MTERF4: variants seen among roughly 807,000 people sequenced by gnomAD.
The protein encoded by MTERF4 is mitochondrial transcription termination factor 4.
Under a neutral mutation model 22.5 loss-of-function variants are expected in MTERF4, and 17 were observed. The observed-to-expected ratio is 0.75, with a 90% CI of 0.52 to 1.13. MTERF4 has a LOEUF of 1.13. MTERF4 is among the 50% of genes most tolerant of loss of function. MTERF4 has a pLI of 0.00. For missense variants in MTERF4, 420 were observed against 466.8 expected, an observed-to-expected ratio of 0.90 and a Z score of 0.92; for synonymous variants, 165 against 175.3, an observed-to-expected ratio of 0.94 and a Z score of 0.47.
At chr2:241,048,562 A>G in the MTERF4 span, 31 of 1,496,654 alleles carry the variant, frequency 2.1e-5, 1 homozygote, top group South Asian at 2.5e-5. Context: ...GTCCACTGCA[A>G]TTTGTATGGG....
chr2:241,049,720 T>C, the MTERF4 span: 1 of 850,542 alleles, frequency 1.2e-6, no homozygotes, highest in Non-Finnish European at 1.9e-6. Context: ...AGACAGGATG[T>C]CAGGGTAACC....
exon 5 of MTERF4, chr2:241,072,362 G>A (rs1575065871): frequency 2.7e-6 from 1 of 374,908 alleles, no homozygotes; most frequent in East Asian, 7.2e-5. Flanking sequence ...TTCCCACCGG[G>A]TTTACTGGGT....
At chr2:241,070,669 C>T (rs191210045), downstream of MTERF4, among the ~76,000 whole-genome samples, 3 of 152,316 alleles carry the variant, frequency 2.0e-5, no homozygotes, top group East Asian at 3.9e-4. Flanking sequence ...AGAAGCCGCT[C>T]GGAGTGGGGA....
chr2:241,099,229 C>T, intron 2 of MTERF4, 167 bp downstream of exon 2: 1 of 725,820 alleles, frequency 1.4e-6, no homozygotes, highest in Non-Finnish European at 2.2e-6. Flanking sequence ...TGCGTGCCAC[C>T]AAGCCCAGCT....
chr2:241,085,860 C>CTTTTTT (rs772995766), downstream of MTERF4, among the ~76,000 whole-genome samples: 32 of 79,150 alleles, frequency 4.0e-4, no homozygotes, highest in Non-Finnish European at 5.0e-4. Flanking sequence ...TCTGCGGTTT[C>CTTTTTT]TTTTTTTTTT....
At chr2:241,050,234 T>C in the MTERF4 span, among the ~76,000 whole-genome samples, 10 of 152,378 alleles carry the variant, frequency 6.6e-5, no homozygotes, top group African/African-American at 2.4e-4. Context: ...AATTTTATTT[T>C]TAAAATTTCC....
At chr2:241,062,812 A>G in the MTERF4 span, 1 of 1,611,068 alleles carries the variant, frequency 6.2e-7, no homozygotes, top group South Asian at 1.1e-5. Flanking sequence ...TGCCGGTCTC[A>G]GCCGTGCCTG....
Position 241,078,263 on chromosome 2 carries a change from G to A in MTERF4, n.480-2581C>T, listed in dbSNP as rs185596766. 4.8e-3 allele frequency among the ~76,000 whole-genome samples: 724 copies of A among 151,476 alleles called. 11 individuals carry two copies. The highest frequency in any genetic ancestry group is 0.039 in the East Asian group (202 of 5,162). On this transcript the variant is annotated intron_variant and non_coding_transcript_variant, in intron 4 of 4. Coordinates refer to the MTERF4 transcript ENST00000464344. ...CTGGGCGTGGTGGCGGGCGCCTGTA[G>A]TCCCAGCTCCTCAGGAGGCTGAGGC...
At chr2:241,058,717 G>C in the MTERF4 span, among the ~76,000 whole-genome samples, 10 of 152,162 alleles carry the variant, frequency 6.6e-5, no homozygotes, top group Admixed American at 2.6e-4. Flanking sequence ...TTAGGAGGCC[G>C]AGGCAGGCAC....
chr2:241,076,162 C>T (rs1470018542), intron 4 of MTERF4, among the ~76,000 whole-genome samples: 2 of 152,180 alleles, frequency 1.3e-5, no homozygotes, highest in African/African-American at 2.4e-5. Flanking sequence ...AATCTAGTCA[C>T]ACTCTATGGA....
At chr2:241,081,607 A>G in intron 4 of MTERF4, 4 of 1,154,850 alleles carry the variant, frequency 3.5e-6, no homozygotes, top group Non-Finnish European at 1.3e-6. Context: ...AGGAAGGGAC[A>G]GCAACATGTC....
chr2:241,078,806 T>C (rs1363262473), intron 4 of MTERF4, among the ~76,000 whole-genome samples: 3 of 150,996 alleles, frequency 2.0e-5, no homozygotes, highest in Admixed American at 1.3e-4. Context: ...ATCTCAATAA[T>C]GCCTGCTTTA....
chr2:241,045,792 GA>G, the MTERF4 span, among the ~76,000 whole-genome samples: 1 of 150,652 alleles, frequency 6.6e-6, no homozygotes, highest in African/African-American at 2.4e-5. Flanking sequence ...TCATTAAAAA[GA>G]AAAAGATAAA....
At chr2:241,069,886 C>T (rs1396613851), downstream of MTERF4, 7 of 1,599,086 alleles carry the variant, frequency 4.4e-6, no homozygotes, top group Middle Eastern at 1.7e-4. The surrounding 1 kb of genome is among the most constrained non-coding windows in gnomAD (Gnocchi z 4.9). Flanking sequence ...CCTGTGGGCA[C>T]CCCCTCACCT....
chr2:241,063,194 G>T, the MTERF4 span, among the ~76,000 whole-genome samples: 9 of 152,228 alleles, frequency 5.9e-5, 1 homozygote, highest in South Asian at 4.1e-4. Flanking sequence ...CCTGGTCGGT[G>T]CTTCCAGCCA....
chr2:241,063,344 T>C, the MTERF4 span: 1 of 550,696 alleles, frequency 1.8e-6, no homozygotes, highest in Non-Finnish European at 3.3e-6. Context: ...AGCCTCCCAT[T>C]GCGGAGTGGC....
rs1293203489 is a variant in MTERF4 at position 241,073,391 on chromosome 2, T to C, written n.2771A>G. 6.5e-7 allele frequency: 1 copy of C among 1,533,588 alleles called. No individual in the cohort carries two copies. Among genetic ancestry groups the C allele is most frequent in the Non-Finnish European group, 8.8e-7 (1 of 1,130,214 alleles). The allele number at this position is 1,533,588 out of a possible 1,614,324, so 95.0% of individuals were successfully genotyped here. A position where few individuals can be genotyped will look rare whatever the true frequency, so the allele number is the denominator to read the frequency against. On this transcript the variant is annotated non_coding_transcript_exon_variant, in exon 5 of 5. Transcript: ENST00000464344. This position sits in a 1 kb window ranked among gnomAD's most constrained non-coding sequence, Gnocchi z 6.6. ...TGAGTCAGCAGCGCTGGTGGGGACT[T>C]TGGGACTGACTGACTGCTCTCAGGG...
chr2:241,066,072 G>A, the MTERF4 span, among the ~76,000 whole-genome samples: 2 of 152,162 alleles, frequency 1.3e-5, no homozygotes, highest in African/African-American at 2.4e-5. Flanking sequence ...TGGCTCAATC[G>A]GGAAGAGCCG....
the MTERF4 span, among the ~76,000 whole-genome samples, chr2:241,066,033 C>T: frequency 2.6e-5 from 4 of 152,184 alleles, no homozygotes; most frequent in Admixed American, 6.5e-5. Context: ...GATATGTAGG[C>T]GCTGAGGTGT....
Sources: allele counts gnomAD v4.1 joint callset (sites outside exome capture counted in the v4.1 genomes callset), GRCh38; gene constraint gnomAD v4.1.1; non-coding constraint Gnocchi (gnomAD v3.1); transcripts MANE v1.5; gene names NCBI Gene and HGNC (gene_info 2026-07-23, HGNC 2026-07-21).